The following BAZ2B variants were observed in gnomAD, a reference collection of about 807,000 sequenced individuals.
BAZ2B encodes bromodomain adjacent to zinc finger domain protein 2B.
BAZ2B carries 91 observed loss-of-function variants against 246.0 expected under a neutral mutation model. The ratio of observed to expected loss-of-function variants is 0.37; its 90% CI spans 0.31 to 0.44. The LOEUF (loss-of-function observed/expected upper bound fraction) is 0.44. Among genes scored for constraint, BAZ2B ranks in the 20% least tolerant of loss-of-function variants. The pLI, the probability that BAZ2B is intolerant of heterozygous loss-of-function variation, is 1.00. For synonymous variants in BAZ2B, 855 were observed against 860.0 expected (o/e 0.99, Z 0.10); for missense variants, 2,332 against 2,533.7 (o/e 0.92, Z 1.71).
the BAZ2B span, among the ~76,000 whole-genome samples, chr2:159,625,470 G>C: frequency 1.3e-5 from 2 of 152,206 alleles, no homozygotes; most frequent in African/African-American, 4.8e-5. Flanking sequence ...CAGAGTAAGA[G>C]TGGATCTCTC....
the BAZ2B span, among the ~76,000 whole-genome samples, chr2:159,658,582 A>C: frequency 6.6e-6 from 1 of 152,080 alleles, no homozygotes; most frequent in Non-Finnish European, 1.5e-5. Context: ...CAGTGGTGCA[A>C]TCTCAGCTCA....
chr2:159,658,138 T>C, the BAZ2B span, among the ~76,000 whole-genome samples: 94 of 152,308 alleles, frequency 6.2e-4, no homozygotes, highest in African/African-American at 2.0e-3. Flanking sequence ...TTGTCATAAA[T>C]GGGTGTTGGA....
chr2:159,319,735 A>G lies in BAZ2B; in HGVS notation c.*530T>C, dbSNP rs2062485868. 1 of 152,648 alleles carries G rather than the reference A, an allele frequency of 6.6e-6. No homozygotes were observed. Among genetic ancestry groups the G allele is most frequent in the African/African-American group, 2.4e-5 (1 of 41,458 alleles). 9.5% of individuals were successfully genotyped at this position (152,648 alleles called of 1,614,324 possible). A position where few individuals can be genotyped will look rare whatever the true frequency, so the allele number is the denominator to read the frequency against. On this transcript the variant is annotated 3_prime_UTR_variant, in exon 37 of 37. Coordinates refer to ENST00000392783, the MANE Select transcript of BAZ2B (RefSeq NM_013450.4). This position sits in a 1 kb window ranked among gnomAD's most constrained non-coding sequence, Gnocchi z 4.0. The stretch of plus-strand genomic sequence containing the variant: ...AAACAGTTTAACTTGGCTTTGTTTT[A>G]TATTTTAAAACATTCCTTGTATTTT...
intron 31 of BAZ2B, among the ~76,000 whole-genome samples, chr2:159,338,238 C>T (rs958647910): frequency 1.3e-5 from 2 of 152,062 alleles, no homozygotes; most frequent in African/African-American, 4.8e-5. Flanking sequence ...TTCTTTTGCT[C>T]CTCTTCACCT....
the BAZ2B span, among the ~76,000 whole-genome samples, chr2:159,685,580 A>G: frequency 6.6e-6 from 1 of 152,192 alleles, no homozygotes. Context: ...TTGTAGTACC[A>G]GAAAGCAAGG....
At chr2:159,535,325 C>A (rs1460529005) in intron 2 of BAZ2B, among the ~76,000 whole-genome samples, 1 of 152,158 alleles carries the variant, frequency 6.6e-6, no homozygotes, top group Non-Finnish European at 1.5e-5. Context: ...AGTTCAAGAC[C>A]AGCCTGGTCA....
the BAZ2B span, among the ~76,000 whole-genome samples, chr2:159,676,653 A>ACACACACG: frequency 1.1e-3 from 165 of 150,722 alleles, 1 homozygote; most frequent in African/African-American, 3.9e-3. Flanking sequence ...AAATGCACAC[A>ACACACACG]CACACACACA....
chr2:159,698,547 A>G, the BAZ2B span, among the ~76,000 whole-genome samples: 1 of 130,630 alleles, frequency 7.7e-6, no homozygotes, highest in Admixed American at 7.1e-5. Context: ...ACAAAGAAAA[A>G]GAGAATGTTT....
intron 2 of BAZ2B, among the ~76,000 whole-genome samples, chr2:159,512,353 A>G (rs1251717590): frequency 6.6e-6 from 1 of 152,192 alleles, no homozygotes; most frequent in Non-Finnish European, 1.5e-5. Flanking sequence ...TCACCTCAAA[A>G]GTAAGTATGT....
intron 1 of BAZ2B, among the ~76,000 whole-genome samples, chr2:159,556,973 C>T (rs1406427628): frequency 6.6e-6 from 1 of 152,118 alleles, no homozygotes; most frequent in Non-Finnish European, 1.5e-5. Flanking sequence ...TGATACATGA[C>T]TTGTCTAAGC....
At chr2:159,401,396 T>C (rs1385260055) in intron 16 of BAZ2B, among the ~76,000 whole-genome samples, 1 of 152,188 alleles carries the variant, frequency 6.6e-6, no homozygotes, top group Admixed American at 6.5e-5. Context: ...TATTCTTCTA[T>C]AAAATAGTGA....
intron 19 of BAZ2B, chr2:159,397,026 C>A: frequency 7.6e-7 from 1 of 1,316,586 alleles, no homozygotes; most frequent in Non-Finnish European, 1.0e-6. Context: ...CATATCACAA[C>A]CAAATCACAA....
chr2:159,602,258 A>G (rs1276247049), intron 1 of BAZ2B, among the ~76,000 whole-genome samples: 2 of 152,214 alleles, frequency 1.3e-5, no homozygotes, highest in African/African-American at 2.4e-5. Context: ...TCCACCATAC[A>G]TATCAGAAAT....
chr2:159,600,569 T>C (rs924025065), intron 1 of BAZ2B, among the ~76,000 whole-genome samples: 1 of 152,214 alleles, frequency 6.6e-6, no homozygotes, highest in Non-Finnish European at 1.5e-5. Flanking sequence ...CATGATCTTG[T>C]CCCGAAATCC....
chr2:159,373,307 A>G, intron 26 of BAZ2B, 118 bp from the exon 27 acceptor site: 1 of 842,708 alleles, frequency 1.2e-6, no homozygotes, highest in Non-Finnish European at 1.7e-6. Context: ...TACTGGGAAA[A>G]GAGCAAAAGG....
intron 12 of BAZ2B, 89 bp from the exon 13 acceptor site, chr2:159,428,131 G>C: frequency 7.8e-7 from 1 of 1,281,678 alleles, no homozygotes; most frequent in Non-Finnish European, 1.1e-6. Flanking sequence ...CTAATGTTTT[G>C]CATATTCTAT....
the BAZ2B span, among the ~76,000 whole-genome samples, chr2:159,639,343 G>A: frequency 6.6e-6 from 1 of 152,122 alleles, no homozygotes; most frequent in South Asian, 2.1e-4. Context: ...GAAATCATCT[G>A]AAGTTAAAAA....
intron 3 of BAZ2B, among the ~76,000 whole-genome samples, chr2:159,477,203 G>T (rs1472423022): frequency 6.6e-6 from 1 of 152,076 alleles, no homozygotes; most frequent in Non-Finnish European, 1.5e-5. Context: ...TACTCGGGAG[G>T]CTGAGGCACA....
chr2:159,487,544 A>G (rs948314035), intron 2 of BAZ2B, among the ~76,000 whole-genome samples: 4 of 152,266 alleles, frequency 2.6e-5, no homozygotes, highest in Middle Eastern at 6.8e-3. Flanking sequence ...CTAATTTCAA[A>G]CCACTGCCCA....
Sources: gnomAD v4.1 joint callset for allele counts (sites outside exome capture counted in the v4.1 genomes callset) on GRCh38, gnomAD v4.1.1 for gene constraint, Gnocchi (gnomAD v3.1) non-coding constraint, MANE v1.5 for transcripts, NCBI Gene and HGNC (gene_info 2026-07-23, HGNC 2026-07-21) for gene names.